The following PCDH9 variants were observed in gnomAD, a reference collection of about 807,000 sequenced individuals.
PCDH9 encodes protocadherin 9, also known as protocadherin-9.
In PCDH9, 24 loss-of-function variants were observed where a neutral mutation model predicts 70.6. The observed-to-expected ratio is 0.34, with a 90% CI of 0.25 to 0.48. The LOEUF is 0.48. PCDH9 is among the 20% of genes least tolerant of loss of function. The probability of loss-of-function intolerance (pLI) is 0.99; values close to 1 mark genes in which losing one functional copy is unlikely to be tolerated. For synonymous variants in PCDH9, 562 were observed against 558.5 expected, an observed-to-expected ratio of 1.01 and a Z score of -0.09; for missense variants, 1,281 against 1,503.6, an observed-to-expected ratio of 0.85 and a Z score of 2.45.
At chr13:67,069,149 A>G (rs1164845581) in intron 2 of PCDH9, among the ~76,000 whole-genome samples, 1 of 152,212 alleles carries the variant, frequency 6.6e-6, no homozygotes, top group African/African-American at 2.4e-5. Flanking sequence ...AATAAAATGC[A>G]TTTAACTTAA....
At chr13:67,201,744 T>C (rs185114244) in intron 2 of PCDH9, 45 of 152,100 alleles carry the variant, frequency 3.0e-4, no homozygotes, top group African/African-American at 1.1e-3. Context: ...AATTATCAAT[T>C]TTCAATTGGG....
intron 2 of PCDH9, chr13:66,977,496 T>C (rs1000225215): frequency 1.4e-4 from 21 of 152,160 alleles, no homozygotes; most frequent in African/African-American, 4.8e-4. Flanking sequence ...CTTAAGATTC[T>C]GTTGTCTTAA....
chr13:66,691,467 G>A (rs1376493593), intron 3 of PCDH9, among the ~76,000 whole-genome samples: 1 of 152,120 alleles, frequency 6.6e-6, no homozygotes, highest in Non-Finnish European at 1.5e-5. Flanking sequence ...CCAATGTATT[G>A]TCAAAATATC....
intron 4 of PCDH9, among the ~76,000 whole-genome samples, chr13:66,399,577 T>C: frequency 6.6e-6 from 1 of 152,182 alleles, no homozygotes; most frequent in Non-Finnish European, 1.5e-5. Flanking sequence ...GATGTGTACC[T>C]AAGCCTACAG....
chr13:66,705,120 G>T (rs1566517163), intron 3 of PCDH9, among the ~76,000 whole-genome samples: 1 of 152,012 alleles, frequency 6.6e-6, no homozygotes, highest in East Asian at 1.9e-4. Context: ...GTATAGTGAT[G>T]GTTTATACCA....
chr13:66,925,405 A>C (rs1361972942), intron 2 of PCDH9, among the ~76,000 whole-genome samples: 1 of 151,860 alleles, frequency 6.6e-6, no homozygotes, highest in African/African-American at 2.4e-5. Flanking sequence ...TATTTTAAGA[A>C]TTTTCTATGT....
chr13:66,806,647 C>T (rs1236620802), intron 3 of PCDH9, among the ~76,000 whole-genome samples: 1 of 152,120 alleles, frequency 6.6e-6, no homozygotes, highest in Admixed American at 6.6e-5. Context: ...TTTGGATCTG[C>T]TGTGTACAAA....
intron 4 of PCDH9, among the ~76,000 whole-genome samples, chr13:66,426,818 T>TAGA (rs1957678883): frequency 2.6e-5 from 4 of 151,582 alleles, no homozygotes; most frequent in Non-Finnish European, 3.0e-5. Flanking sequence ...ATATTTTTTC[T>TAGA]TTTGTGTAAA....
At chr13:66,349,422 G>C (rs1351914614) in intron 4 of PCDH9, among the ~76,000 whole-genome samples, 2 of 152,194 alleles carry the variant, frequency 1.3e-5, no homozygotes, top group Non-Finnish European at 2.9e-5. Context: ...CAAATACATA[G>C]AAGACAAGAG....
intron 2 of PCDH9, among the ~76,000 whole-genome samples, chr13:67,058,969 A>G (rs1335283697): frequency 6.6e-6 from 1 of 152,090 alleles, no homozygotes; most frequent in Non-Finnish European, 1.5e-5. Context: ...TAACCACAGC[A>G]TAAGTTAGGG....
chr13:66,455,431 C>T (rs142075331), intron 4 of PCDH9, among the ~76,000 whole-genome samples: 7 of 152,080 alleles, frequency 4.6e-5, no homozygotes, highest in Non-Finnish European at 1.0e-4. Flanking sequence ...CTATTAAAAA[C>T]ATTCCTTGCT....
At chr13:66,370,770 T>G (rs1566275659) in intron 4 of PCDH9, among the ~76,000 whole-genome samples, 1 of 152,024 alleles carries the variant, frequency 6.6e-6, no homozygotes, top group Non-Finnish European at 1.5e-5. Flanking sequence ...TGCCTCAGAC[T>G]CCCAACATGC....
intron 4 of PCDH9, among the ~76,000 whole-genome samples, chr13:66,606,386 A>G (rs1019073760): frequency 2.3e-4 from 35 of 152,116 alleles, no homozygotes; most frequent in African/African-American, 7.2e-4. Context: ...CTCCATTCCA[A>G]TAGGAGAAGC....
chr13:66,941,920 A>C (rs2083012687), intron 2 of PCDH9, among the ~76,000 whole-genome samples: 1 of 151,936 alleles, frequency 6.6e-6, no homozygotes, highest in Non-Finnish European at 1.5e-5. Flanking sequence ...CCCTACTCTG[A>C]GGCATAAAAC....
At chr13:66,334,177 C>G (rs1286095518) in intron 4 of PCDH9, among the ~76,000 whole-genome samples, 12 of 152,082 alleles carry the variant, frequency 7.9e-5, no homozygotes, top group Non-Finnish European at 1.2e-4. Context: ...TAACCAACCT[C>G]TCTTCATCCC....
chr13:67,017,724 C>T (rs2084590669), intron 2 of PCDH9, among the ~76,000 whole-genome samples: 1 of 152,000 alleles, frequency 6.6e-6, no homozygotes, highest in African/African-American at 2.4e-5. Flanking sequence ...GGAACAAAAT[C>T]TCTCCAGGAA....
chr13:66,975,972 A>G (rs886208144), intron 2 of PCDH9, among the ~76,000 whole-genome samples: 1 of 152,092 alleles, frequency 6.6e-6, no homozygotes, highest in Non-Finnish European at 1.5e-5. Flanking sequence ...AAAACAGTCT[A>G]TAAGAGGTGA....
chr13:67,073,510 T>A (rs950137322), intron 2 of PCDH9, among the ~76,000 whole-genome samples: 1 of 151,658 alleles, frequency 6.6e-6, no homozygotes, highest in Admixed American at 6.6e-5. Context: ...AAAAAAAAAA[T>A]GTGTGAATCA....
chr13:66,781,873 C>CTACATCTA (rs1019575525), intron 3 of PCDH9, among the ~76,000 whole-genome samples: 1 of 27,546 alleles, frequency 3.6e-5, no homozygotes, highest in African/African-American at 8.7e-5. Context: ...GAAGAAATGG[C>CTACATCTA]TACATCTCGG....
Sources: gnomAD v4.1 joint callset for allele counts (sites outside exome capture counted in the v4.1 genomes callset) on GRCh38, gnomAD v4.1.1 for gene constraint, MANE v1.5 for transcripts, NCBI Gene and HGNC (gene_info 2026-07-23, HGNC 2026-07-21) for gene names.